The following PLCXD1 variants were observed in gnomAD, a reference collection of about 807,000 sequenced individuals.
The protein encoded by PLCXD1 is phosphatidylinositol specific phospholipase C X domain containing 1, also known as PI-PLC X domain-containing protein 1.
Under a neutral mutation model 37.8 loss-of-function variants are expected in PLCXD1, and 45 were observed. That is an observed-to-expected ratio of 1.19 (90% CI 0.94 to 1.53). The LOEUF (loss-of-function observed/expected upper bound fraction) is 1.53. Among genes scored for constraint, PLCXD1 ranks in the 40% most tolerant of loss-of-function variants. The pLI, the probability that PLCXD1 is intolerant of heterozygous loss-of-function variation, is 0.00. For missense variants in PLCXD1, 539 were observed against 454.7 expected (o/e 1.19, Z -1.69); for synonymous variants, 246 against 206.9 (o/e 1.19, Z -1.62).
intron 2 of PLCXD1, among the ~76,000 whole-genome samples, chrX:284,604 A>ATG (rs1448897286): frequency 2.9e-5 from 1 of 34,836 alleles, no homozygotes; most frequent in Admixed American, 2.8e-4. Flanking sequence ...ACACACGCAC[A>ATG]CACGCACACA....
rs191133717 is a variant in PLCXD1, at chrX:284,890, A to G, written c.127+576A>G. ...CGTGTGCTGGAGAACTGCCCTTTGT[A>G]CAACCATCAGATCTCGTGAGACTTA... On this transcript the variant is annotated intron_variant, in intron 2 of 6. Coordinates refer to ENST00000381657, the MANE Select transcript of PLCXD1 (RefSeq NM_018390.4). Among the ~76,000 whole-genome samples the G allele has an allele frequency of 2.9e-3, 437 of 152,304 alleles. 3 individuals carry two copies. Among genetic ancestry groups the G allele is most frequent in the African/African-American group, 0.01 (427 of 41,554 alleles).
intron 2 of PLCXD1, among the ~76,000 whole-genome samples, chrX:286,634 G>A (rs1239231533): frequency 1.3e-5 from 2 of 152,122 alleles, no homozygotes; most frequent in Admixed American, 6.6e-5. Context: ...CAAGTGTGGG[G>A]AACGTGACTG....
intron 5 of PLCXD1, among the ~76,000 whole-genome samples, chrX:292,196 C>T (rs1254042954): frequency 6.8e-6 from 1 of 146,342 alleles, no homozygotes; most frequent in Non-Finnish European, 1.5e-5. Context: ...TGGCTCACAC[C>T]TGTCATCCCA....
intron 4 of PLCXD1, among the ~76,000 whole-genome samples, chrX:291,160 T>TTG (rs1164098360): frequency 6.6e-6 from 1 of 151,804 alleles, no homozygotes; most frequent in Non-Finnish European, 1.5e-5. Context: ...GCTTTTTTTT[T>TTG]TTGGAGATGG....
upstream of PLCXD1, among the ~76,000 whole-genome samples, chrX:278,634 G>C (rs2069199924): frequency 6.6e-6 from 1 of 151,628 alleles, no homozygotes; most frequent in Non-Finnish European, 1.5e-5. Context: ...AGCTACTTGG[G>C]AGGCTGAGAT....
intron 3 of PLCXD1, 22 bp downstream of exon 3, chrX:288,891 G>A (rs1255958501): frequency 6.2e-7 from 1 of 1,609,832 alleles, no homozygotes; most frequent in Non-Finnish European, 8.5e-7. Context: ...GCCCCGTGCT[G>A]CTGACCTGGC....
chrX:291,972 C>T (rs1256783508), intron 5 of PLCXD1, among the ~76,000 whole-genome samples: 1 of 151,724 alleles, frequency 6.6e-6, no homozygotes, highest in Non-Finnish European at 1.5e-5. Flanking sequence ...TCGAGACTAT[C>T]CTGGCCAACA....
rs781696739 is a variant in PLCXD1, at chrX:293,157, CAG to C, written c.673_674del (p.Arg225GlyfsTer87). 4 of 1,612,748 alleles carry C rather than the reference CAG, an allele frequency of 2.5e-6. No homozygotes were observed. The highest frequency in any genetic ancestry group is 2.2e-5 in the East Asian group (1 of 44,884). On this transcript the variant is annotated frameshift_variant, in exon 6 of 7. Transcript: ENST00000381657. LOFTEE classifies it high-confidence loss of function. ...WPGVPYWWGN[R>X]VKTEALIRYL... ...CAGGAGTCCCCTACTGGTGGGGAAA[CAG>C]GGTGAAGACCGAGGCCCTCATCCGA...
Position 289,379 on chromosome X carries a change from G to A in PLCXD1, c.264+510G>A, listed in dbSNP as rs182139114. 5.4e-3 allele frequency among the ~76,000 whole-genome samples: 818 copies of A among 151,194 alleles called. 6 individuals are homozygous for A. The highest frequency in any genetic ancestry group is 0.019 in the African/African-American group (791 of 41,162). On this transcript the variant is annotated intron_variant, in intron 3 of 6. Transcript: ENST00000381657. Reference sequence around the variant, plus strand: ...TGGGATTACAGGCGTGAGCCACCGCGCCCGGCCCAGCATTTTATTAAATGG... The same window carrying A: ...TGGGATTACAGGCGTGAGCCACCGCACCCGGCCCAGCATTTTATTAAATGG...
intron 6 of PLCXD1, among the ~76,000 whole-genome samples, chrX:294,354 C>T (rs182995700): frequency 0.012 from 1,886 of 152,064 alleles, 49 homozygotes; most frequent in African/African-American, 0.043. Flanking sequence ...TGGTGGCGGG[C>T]GCCTGTAATC....
chrX:290,440 A>AG (rs1284947587), intron 3 of PLCXD1, among the ~76,000 whole-genome samples: 1 of 151,854 alleles, frequency 6.6e-6, no homozygotes, highest in East Asian at 1.9e-4. Flanking sequence ...AAAAAAAAAA[A>AG]AAAAAGGCCA....
chrX:285,899 C>A (rs1458434576), intron 2 of PLCXD1, among the ~76,000 whole-genome samples: 3 of 152,212 alleles, frequency 2.0e-5, no homozygotes, highest in Non-Finnish European at 4.4e-5. Context: ...TGGAGAACAA[C>A]GTCGAGACGG....
rs768581509 is a variant in PLCXD1, at chrX:284,235, C to T, written c.48C>T (p.Cys16=). ...SASNSFSRLH[C]RNANEDWMSA... is the part of the protein sequence containing the mutation. ...CCAACAGCTTCTCGAGGCTGCACTG[C>T]AGAAATGCCAACGAGGACTGGATGT... The change falls in exon 2 of 7, where the codon TGC becomes TGT. Residue 16 remains cysteine (C), a synonymous_variant. Coordinates refer to ENST00000381657, the MANE Select transcript of PLCXD1 (RefSeq NM_018390.4). The T allele has an allele frequency of 1.9e-5, 30 of 1,613,512 alleles. No homozygotes were observed. Among genetic ancestry groups the T allele is most frequent in the Non-Finnish European group, 2.2e-5 (26 of 1,179,804 alleles).
chrX:279,335 T>A (rs1406168010), upstream of PLCXD1, among the ~76,000 whole-genome samples: 1 of 152,140 alleles, frequency 6.6e-6, no homozygotes, highest in Non-Finnish European at 1.5e-5. Flanking sequence ...TATGTGCAAG[T>A]CACAGGGGTG....
chrX:292,270 A>G (rs2069661784), intron 5 of PLCXD1, among the ~76,000 whole-genome samples: 2 of 151,930 alleles, frequency 1.3e-5, no homozygotes, highest in Admixed American at 1.3e-4. Context: ...CCTGGCTAAC[A>G]CGGTGAAACC....
upstream of PLCXD1, among the ~76,000 whole-genome samples, chrX:280,112 G>C (rs1342250435): frequency 6.6e-6 from 1 of 152,194 alleles, no homozygotes; most frequent in Non-Finnish European, 1.5e-5. Context: ...GCCTCCCAAA[G>C]TGTTGAAGTG....
chrX:300,406 GTA>G lies in PLCXD1; in HGVS notation c.*1077_*1078del, dbSNP rs1469146774. The G allele has an allele frequency of 9.3e-5, 14 of 150,888 alleles. No individual in the cohort carries two copies. Among genetic ancestry groups the G allele is most frequent in the African/African-American group, 3.2e-4 (13 of 41,054 alleles). The allele number at this position is 150,888 out of a possible 1,614,324, so 9.3% of individuals were successfully genotyped here. A position where few individuals can be genotyped will look rare whatever the true frequency, so the allele number is the denominator to read the frequency against. ...TATATGTGTGTTTATGTGTCTGTGT[GTA>G]TATATGTGTATATATCGGTGTGTAT... is the stretch of plus-strand genomic sequence containing the variant. On this transcript the variant is annotated 3_prime_UTR_variant, in exon 7 of 7. Coordinates refer to ENST00000381657, the MANE Select transcript of PLCXD1 (RefSeq NM_018390.4).
intron 2 of PLCXD1, among the ~76,000 whole-genome samples, chrX:287,768 T>A (rs2069505150): frequency 6.7e-6 from 1 of 148,716 alleles, no homozygotes; most frequent in African/African-American, 2.4e-5. Context: ...TATAGATATA[T>A]TTATATCTAT....
rs145025704 is a variant in PLCXD1 at position 291,609 on chromosome X, C to A, written c.504C>A (p.Val168=). ...GLSEDLHEYL[V]ACIKNIFGDM... ...GCGAGGACCTGCACGAGTACCTGGT[C>A]GCCTGTATCAAGAACATCTTCGGGG... The change falls in exon 5 of 7, where the codon GTC becomes GTA. Residue 168 remains valine (V), a synonymous_variant. Coordinates refer to ENST00000381657, the MANE Select transcript of PLCXD1 (RefSeq NM_018390.4). 6.2e-7 allele frequency: 1 copy of A among 1,612,942 alleles called. No individual in the cohort carries two copies. The highest frequency in any genetic ancestry group is 1.9e-4 in the Middle Eastern group (1 of 5,250).
Sources: gnomAD v4.1 joint callset for allele counts (sites outside exome capture counted in the v4.1 genomes callset) on GRCh38, gnomAD v4.1.1 for gene constraint, MANE v1.5 for transcripts, NCBI Gene and HGNC (gene_info 2026-07-23, HGNC 2026-07-21) for gene names.